The following MAU2 variants were observed in gnomAD, a reference collection of about 807,000 sequenced individuals.
MAU2 encodes MAU2 chromatid cohesion factor homolog.
MAU2 carries 9 observed loss-of-function variants against 89.1 expected under a neutral mutation model. That is an observed-to-expected ratio of 0.10 (90% CI 0.06 to 0.18). The LOEUF (loss-of-function observed/expected upper bound fraction) is 0.18. MAU2 is among the 10% of genes least tolerant of loss of function. The pLI is 1.00. For missense variants in MAU2, 425 were observed against 803.5 expected (o/e 0.53, Z 5.69); for synonymous variants, 357 against 343.4 (o/e 1.04, Z -0.44).
Position 19,345,224 on chromosome 19 carries a change from G to A in MAU2, c.1156-80G>A. On this transcript the variant is annotated intron_variant, in intron 11 of 18. Coordinates refer to ENST00000262815, the MANE Select transcript of MAU2 (RefSeq NM_015329.4). The surrounding 1 kb of genome is among the most constrained non-coding windows in gnomAD (Gnocchi z 4.9). Reference sequence around the variant, plus strand: ...CATACTCCTCCAGGGCAGCCGTGCAGGCCCCGGGCACACCACGTGTCTCTG... The same window carrying A: ...CATACTCCTCCAGGGCAGCCGTGCAAGCCCCGGGCACACCACGTGTCTCTG... 2 of 1,297,856 alleles carry A rather than the reference G, an allele frequency of 1.5e-6. No individual in the cohort carries two copies. Among genetic ancestry groups the A allele is most frequent in the Non-Finnish European group, 2.2e-6 (2 of 895,524 alleles). The allele number at this position is 1,297,856 out of a possible 1,614,324, so 80.4% of individuals were successfully genotyped here.
intron 1 of MAU2, among the ~76,000 whole-genome samples, chr19:19,329,321 T>G (rs2061536551): frequency 6.6e-6 from 1 of 152,162 alleles, no homozygotes; most frequent in Non-Finnish European, 1.5e-5. Flanking sequence ...CCTCTCACTC[T>G]TGAGTCACCT....
At chr19:19,355,579 C>T (rs1425711470) in intron 18 of MAU2, 129 bp from the exon 19 acceptor site, 7 of 1,177,956 alleles carry the variant, frequency 5.9e-6, no homozygotes, top group Non-Finnish European at 8.4e-6. Context: ...CTCCTCGGGG[C>T]CCATTGGACT....
intron 1 of MAU2, among the ~76,000 whole-genome samples, chr19:19,325,863 A>G (rs1440870673): frequency 6.6e-6 from 1 of 152,142 alleles, no homozygotes; most frequent in Non-Finnish European, 1.5e-5. Flanking sequence ...TCAGTGCTAC[A>G]TCCAGCTTTC....
chr19:19,327,055 C>T (rs989349853), intron 1 of MAU2, among the ~76,000 whole-genome samples: 1 of 150,954 alleles, frequency 6.6e-6, no homozygotes, highest in Non-Finnish European at 1.5e-5. Flanking sequence ...CAAGCAATCA[C>T]CTGCCTTGGC....
chr19:19,346,629 TC>T (rs1227944684), intron 12 of MAU2, among the ~76,000 whole-genome samples: 3 of 152,102 alleles, frequency 2.0e-5, no homozygotes, highest in Non-Finnish European at 2.9e-5. Flanking sequence ...GGTCTGTGCT[TC>T]CTGGGCTCAC....
intron 1 of MAU2, among the ~76,000 whole-genome samples, chr19:19,332,326 ATTTTTTTTTT>A (rs35913129): frequency 2.0e-5 from 2 of 101,974 alleles, no homozygotes; most frequent in African/African-American, 7.9e-5. Flanking sequence ...TGCCTGGCTG[ATTTTTTTTTT>A]TTTTTTTTTT....
intron 16 of MAU2, chr19:19,352,174 T>C (rs2061750576): frequency 6.6e-6 from 1 of 151,998 alleles, no homozygotes. Flanking sequence ...CACACCTCTG[T>C]ATTGGAAGCT....
At chr19:19,332,454 T>A (rs534754056) in intron 1 of MAU2, among the ~76,000 whole-genome samples, 15 of 151,436 alleles carry the variant, frequency 9.9e-5, no homozygotes, top group African/African-American at 3.6e-4. Context: ...GCGATAAAGC[T>A]ACATGGGAAA....
At chr19:19,350,332 G>A (rs1248458866) in intron 16 of MAU2, among the ~76,000 whole-genome samples, 7 of 141,582 alleles carry the variant, frequency 4.9e-5, no homozygotes, top group African/African-American at 1.3e-4. Context: ...GGACAGGCAC[G>A]GTGGCTCATG....
At chr19:19,324,787 C>T (rs186060439) in intron 1 of MAU2, among the ~76,000 whole-genome samples, 62 of 152,306 alleles carry the variant, frequency 4.1e-4, no homozygotes, top group Admixed American at 1.3e-4. Context: ...TTTTGTCAGT[C>T]GCATCCCAAC....
At chr19:19,348,571 G>A (rs935242886) in intron 13 of MAU2, 20 of 519,432 alleles carry the variant, frequency 3.9e-5, no homozygotes, top group East Asian at 7.1e-5. Context: ...CAGGGCTCAC[G>A]GGCCCCAGCC....
At chr19:19,324,898 T>G (rs1378372269) in intron 1 of MAU2, among the ~76,000 whole-genome samples, 1 of 152,258 alleles carries the variant, frequency 6.6e-6, no homozygotes, top group Non-Finnish European at 1.5e-5. Flanking sequence ...AAGCATGCTT[T>G]CTTTCATCTT....
At chr19:19,355,637 C>A (rs2048168837) in intron 18 of MAU2, 71 bp from the exon 19 acceptor site, 2 of 1,383,390 alleles carry the variant, frequency 1.4e-6, no homozygotes, top group Non-Finnish European at 2.0e-6. Context: ...CCAAGGAAGG[C>A]AGCATTCCAA....
chr19:19,355,793 G>T lies in MAU2; in HGVS notation c.*11G>T. The T allele has an allele frequency of 6.2e-7, 1 of 1,604,362 alleles. No homozygotes were observed. The highest frequency in any genetic ancestry group is 8.5e-7 in the Non-Finnish European group (1 of 1,179,496). On this transcript the variant is annotated 3_prime_UTR_variant, in exon 19 of 19. Transcript: ENST00000262815. ...GCCAGCCTCCTGTGAGGCCTTGATG[G>T]GGCCATCCAGCTCCGCAGGGCCTGC...
At chr19:19,322,313 C>T (rs2061466945) in intron 1 of MAU2, among the ~76,000 whole-genome samples, 1 of 152,098 alleles carries the variant, frequency 6.6e-6, no homozygotes, top group Non-Finnish European at 1.5e-5. Flanking sequence ...AATAAACTTT[C>T]TAGGGCCAGG....
chr19:19,341,876 T>C (rs984716719), intron 7 of MAU2, among the ~76,000 whole-genome samples: 1 of 152,146 alleles, frequency 6.6e-6, no homozygotes, highest in African/African-American at 2.4e-5. Context: ...TTTGAGCTCC[T>C]TGTCTCTGTG....
chr19:19,354,329 TC>T, intron 16 of MAU2, 25 bp from the exon 17 acceptor site: 1 of 1,587,438 alleles, frequency 6.3e-7, no homozygotes, highest in Non-Finnish European at 8.6e-7. Flanking sequence ...GGCTCCTCAC[TC>T]CCCCTTGCTG....
Position 19,341,307 on chromosome 19 carries a change from G to A in MAU2, c.635G>A (p.Gly212Glu). 3 of 1,613,326 alleles carry A rather than the reference G, an allele frequency of 1.9e-6. No homozygotes were observed. The highest frequency in any genetic ancestry group is 2.5e-6 in the Non-Finnish European group (3 of 1,180,004). ...GTGCACCCGCTGCTGACCCTCTGCG[G>A]GCAGATCGTGGAGAACTGGCAGGGG... ...QEVHPLLTLCGQIVENWQGNP... is the reference protein window; with the variant it reads ...QEVHPLLTLCEQIVENWQGNP... Residue 212 changes from glycine to glutamate, a missense_variant, in exon 7 of 19, where the codon GGG becomes GAG. This residue lies in a region of MAU2 where 119 missense variants were observed against 299.8 expected (regional missense o/e 0.40). Coordinates refer to ENST00000262815, the MANE Select transcript of MAU2 (RefSeq NM_015329.4).
intron 13 of MAU2, 153 bp downstream of exon 13, chr19:19,347,519 G>C: frequency 1.6e-6 from 1 of 615,334 alleles, no homozygotes; most frequent in Admixed American, 2.9e-5. Context: ...CACACAAGGC[G>C]ACCCAGAGGT....
Sources: allele counts gnomAD v4.1 joint callset (sites outside exome capture counted in the v4.1 genomes callset), GRCh38; gene constraint gnomAD v4.1.1; regional missense constraint gnomAD v4.1.1; non-coding constraint Gnocchi (gnomAD v3.1); transcripts MANE v1.5; gene names NCBI Gene and HGNC (gene_info 2026-07-23, HGNC 2026-07-21).